NUBPL: variants seen among roughly 807,000 people sequenced by gnomAD.
NUBPL encodes the protein iron-sulfur cluster transfer protein NUBPL.
In NUBPL, 31 loss-of-function variants were observed where a neutral mutation model predicts 45.7. The ratio of observed to expected loss-of-function variants is 0.68; its 90% CI spans 0.51 to 0.92. The LOEUF (loss-of-function observed/expected upper bound fraction) is 0.92, where lower values mean the gene tolerates loss of function less well. Ranked by LOEUF, NUBPL falls within the 40% of genes least tolerant of loss-of-function variation. The pLI, the probability that NUBPL is intolerant of heterozygous loss-of-function variation, is 0.00. For missense variants in NUBPL, 401 were observed against 398.7 expected (o/e 1.01, Z -0.05); for synonymous variants, 144 against 140.9 (o/e 1.02, Z -0.15).
At chr14:31,731,977 C>T (rs990455639) in intron 6 of NUBPL, among the ~76,000 whole-genome samples, 51 of 151,798 alleles carry the variant, frequency 3.4e-4, no homozygotes, top group South Asian at 1.5e-3. Flanking sequence ...CCGAGGCGGG[C>T]GGATCACGAG....
At chr14:31,721,265 G>T (rs561931260) in intron 6 of NUBPL, among the ~76,000 whole-genome samples, 1 of 152,040 alleles carries the variant, frequency 6.6e-6, no homozygotes, top group South Asian at 2.1e-4. Context: ...AAATACTGGG[G>T]AATTAAGTAT....
chr14:31,843,446 C>A (rs1473313984), intron 8 of NUBPL, among the ~76,000 whole-genome samples: 4 of 152,180 alleles, frequency 2.6e-5, no homozygotes, highest in Non-Finnish European at 2.9e-5. Flanking sequence ...TATTTAGCTT[C>A]TTCCATTATT....
chr14:31,848,559 C>G (rs2040489307), intron 9 of NUBPL, among the ~76,000 whole-genome samples: 1 of 152,152 alleles, frequency 6.6e-6, no homozygotes. Flanking sequence ...CACAGAAAAC[C>G]CTTTAACCTA....
At chr14:31,841,837 A>G (rs930409959) in intron 8 of NUBPL, among the ~76,000 whole-genome samples, 5 of 143,904 alleles carry the variant, frequency 3.5e-5, no homozygotes, top group South Asian at 2.2e-4. Context: ...ATTATTTTAT[A>G]TATGGATATC....
chr14:31,641,804 A>G (rs1434447041), intron 4 of NUBPL, among the ~76,000 whole-genome samples: 1 of 152,200 alleles, frequency 6.6e-6, no homozygotes, highest in East Asian at 1.9e-4. Flanking sequence ...CCAACACTGT[A>G]GGAGGGTTTC....
chr14:31,707,889 A>G (rs1317015629), intron 6 of NUBPL, among the ~76,000 whole-genome samples: 1 of 152,212 alleles, frequency 6.6e-6, no homozygotes, highest in Non-Finnish European at 1.5e-5. Flanking sequence ...ATCTTGGGCC[A>G]GTGCCTGACC....
intron 6 of NUBPL, among the ~76,000 whole-genome samples, chr14:31,770,301 G>A (rs1025972211): frequency 6.6e-6 from 1 of 152,120 alleles, no homozygotes; most frequent in African/African-American, 2.4e-5. Flanking sequence ...TTTCAACATA[G>A]TTTGGCAGGC....
At chr14:31,806,894 A>G (rs184106314) in intron 7 of NUBPL, among the ~76,000 whole-genome samples, 1 of 152,288 alleles carries the variant, frequency 6.6e-6, no homozygotes, top group Non-Finnish European at 1.5e-5. Context: ...TCCTTGTGAT[A>G]GTTTGCTCTG....
chr14:31,735,823 G>A (rs1189635961), intron 6 of NUBPL, among the ~76,000 whole-genome samples: 2 of 152,198 alleles, frequency 1.3e-5, no homozygotes, highest in African/African-American at 4.8e-5. Flanking sequence ...CTGCACTCCA[G>A]CCTAGGCGAC....
intron 7 of NUBPL, among the ~76,000 whole-genome samples, chr14:31,816,498 T>A (rs745349020): frequency 1.1e-4 from 16 of 152,164 alleles, no homozygotes; most frequent in Non-Finnish European, 2.1e-4. Context: ...ATTCATGGAT[T>A]TTTTGAGGAG....
chr14:31,729,045 C>A (rs12435681), intron 6 of NUBPL, among the ~76,000 whole-genome samples: 44,408 of 151,974 alleles, frequency 0.29, 7,420 homozygotes, highest in South Asian at 0.41. Context: ...CTTTGGGAGG[C>A]TGAGGTGGGC....
intron 8 of NUBPL, among the ~76,000 whole-genome samples, chr14:31,837,530 C>A (rs139631401): frequency 6.6e-6 from 1 of 151,966 alleles, no homozygotes; most frequent in African/African-American, 2.4e-5. Context: ...TTTTTAGTAG[C>A]CATATTTTAA....
At chr14:31,588,358 T>C (rs929901660) in intron 3 of NUBPL, among the ~76,000 whole-genome samples, 1 of 152,220 alleles carries the variant, frequency 6.6e-6, no homozygotes, top group Non-Finnish European at 1.5e-5. Context: ...TCTTTAAGTT[T>C]CACAAATTTG....
intron 4 of NUBPL, among the ~76,000 whole-genome samples, chr14:31,655,142 A>G (rs913626532): frequency 3.8e-4 from 58 of 152,316 alleles, no homozygotes; most frequent in African/African-American, 1.3e-3. Flanking sequence ...ATCCCCTCCA[A>G]TGAATCATGA....
intron 4 of NUBPL, among the ~76,000 whole-genome samples, chr14:31,608,953 G>A (rs2034678484): frequency 6.6e-6 from 1 of 152,034 alleles, no homozygotes; most frequent in Non-Finnish European, 1.5e-5. Context: ...TAAAAAGCAA[G>A]AAAGTAAATT....
At chr14:31,641,700 G>T (rs181633722) in intron 4 of NUBPL, among the ~76,000 whole-genome samples, 3 of 152,284 alleles carry the variant, frequency 2.0e-5, no homozygotes, top group Admixed American at 1.3e-4. Flanking sequence ...ATACCCAGCA[G>T]TCAAATTGCT....
At chr14:31,577,840 C>G (rs150807612) in intron 3 of NUBPL, 1 of 340,926 alleles carries the variant, frequency 2.9e-6, no homozygotes, top group Non-Finnish European at 4.2e-6. Context: ...TCCTTCAGGT[C>G]TTGGATTGGA....
chr14:31,834,473 CT>C (rs1459937822), intron 8 of NUBPL, among the ~76,000 whole-genome samples: 2 of 152,138 alleles, frequency 1.3e-5, no homozygotes, highest in East Asian at 3.9e-4. Context: ...GCCACTGCGC[CT>C]GGCCGGTCTG....
chr14:31,786,022 G>A (rs1003485289), intron 6 of NUBPL, among the ~76,000 whole-genome samples: 26 of 152,064 alleles, frequency 1.7e-4, no homozygotes, highest in Admixed American at 1.3e-3. Flanking sequence ...ACCAGGCATG[G>A]TGGCACACGT....
Sources: allele counts gnomAD v4.1 joint callset (sites outside exome capture counted in the v4.1 genomes callset), GRCh38; gene constraint gnomAD v4.1.1; transcripts MANE v1.5; gene names NCBI Gene and HGNC (gene_info 2026-07-23, HGNC 2026-07-21).